The following BEND7 variants were observed in gnomAD, a reference collection of about 807,000 sequenced individuals.
BEND7 encodes BEN domain-containing protein 7.
In BEND7, 28 loss-of-function variants were observed where a neutral mutation model predicts 50.9. The ratio of observed to expected loss-of-function variants is 0.55; its 90% confidence interval spans 0.41 to 0.75. BEND7 has a LOEUF of 0.75. BEND7 is among the 30% of genes least tolerant of loss of function. The pLI is 0.00. For synonymous variants in BEND7, 170 were observed against 183.9 expected (o/e 0.92, Z 0.61); for missense variants, 477 against 491.3 (o/e 0.97, Z 0.28).
At chr10:13,500,485 C>T (rs887260560) in intron 2 of BEND7, 2 of 998,276 alleles carry the variant, frequency 2.0e-6, no homozygotes, top group African/African-American at 3.5e-5. Flanking sequence ...GAGGAATGGG[C>T]AGGTCACTAA....
At position 13,441,688 on chromosome 10, in the gene BEND7, G is replaced by A. The variant is rs76490942; in HGVS notation, c.*55C>T. The stretch of plus-strand genomic sequence containing the variant: ...TAGCTCCTTGTGGGAGGCAGAGGAC[G>A]GATTTTAAAACCCATGGTGCAAAAA... On this transcript the variant is annotated 3_prime_UTR_variant, in exon 9 of 9. Transcript: ENST00000466271. The A allele has an allele frequency of 2.1e-3, 3,309 of 1,611,732 alleles. 73 individuals carry two copies. The South Asian group carries it at 0.028, about 14-fold the overall frequency.
chr10:13,489,746 T>G lies in BEND7; in HGVS notation c.837+2865A>C, dbSNP rs537658069. On this transcript the variant is annotated intron_variant, in intron 5 of 8. Transcript: ENST00000466271. ...ATCACAGTAGAGCCTTGAAGGGGAG[T>G]AGGTGGGTACAGAGAGGAGGAACAG... Among the ~76,000 whole-genome samples, 5 of 151,522 alleles carry G rather than the reference T, an allele frequency of 3.3e-5. No homozygotes were observed. In the East Asian group the frequency reaches 9.7e-4, roughly 29 times the overall value.
intron 6 of BEND7, among the ~76,000 whole-genome samples, chr10:13,468,569 G>A (rs2074487645): frequency 6.6e-6 from 1 of 152,194 alleles, no homozygotes; most frequent in Admixed American, 6.5e-5. Context: ...TGGTTTTCTG[G>A]GTGTTACTAG....
In BEND7 at chr10:13,480,879, A is replaced by G. The variant is rs537012659; in HGVS notation, c.1063+20T>C. ...GAAAGCTCAACGAAGAACCCACAAA[A>G]TGAAATGATGCAGACCAACCTTTTA... On this transcript the variant is annotated intron_variant, in intron 6 of 8. Coordinates refer to ENST00000466271, the MANE Select transcript of BEND7 (RefSeq NM_001369863.1). 5 of 1,612,770 alleles carry G rather than the reference A, an allele frequency of 3.1e-6. No individual in the cohort carries two copies. The South Asian group carries it at 4.4e-5, about 14-fold the overall frequency.
chr10:13,445,638 C>T (rs919970063), intron 8 of BEND7: 4 of 152,168 alleles, frequency 2.6e-5, no homozygotes, highest in African/African-American at 9.7e-5. Flanking sequence ...TCTCAGATTC[C>T]TTGACATTTT....
intron 2 of BEND7, among the ~76,000 whole-genome samples, chr10:13,505,927 A>G (rs1254872515): frequency 6.6e-6 from 1 of 152,230 alleles, no homozygotes; most frequent in Non-Finnish European, 1.5e-5. Context: ...GAAGTCCAGA[A>G]CGCAACACTA....
intron 6 of BEND7, among the ~76,000 whole-genome samples, chr10:13,467,342 T>C (rs981270109): frequency 1.3e-5 from 2 of 152,174 alleles, no homozygotes; most frequent in African/African-American, 4.8e-5. Context: ...AAACGGCACA[T>C]TTAGCCTAAC....
intron 4 of BEND7, among the ~76,000 whole-genome samples, chr10:13,494,593 C>T (rs1183711750): frequency 2.0e-5 from 3 of 152,218 alleles, no homozygotes; most frequent in South Asian, 2.1e-4. Flanking sequence ...CTGCATTCCC[C>T]CTCAAGGCTG....
At chr10:13,469,939 T>TA (rs1368890079) in intron 6 of BEND7, among the ~76,000 whole-genome samples, 1 of 152,204 alleles carries the variant, frequency 6.6e-6, no homozygotes, top group Admixed American at 6.5e-5. Context: ...TTGCAGGAGA[T>TA]AGTCAATACG....
At chr10:13,487,378 CT>C (rs770356764) in intron 5 of BEND7, among the ~76,000 whole-genome samples, 3 of 73,696 alleles carry the variant, frequency 4.1e-5, no homozygotes, top group Non-Finnish European at 7.8e-5. Flanking sequence ...AATTTCTTTT[CT>C]TTTCTTTTCT....
intron 2 of BEND7, among the ~76,000 whole-genome samples, chr10:13,510,801 GACAC>G (rs891126058): frequency 6.6e-6 from 1 of 151,816 alleles, no homozygotes; most frequent in Non-Finnish European, 1.5e-5. Context: ...CTTTTTCTGT[GACAC>G]ACACACACAT....
intron 8 of BEND7, chr10:13,443,257 A>T (rs1460463767): frequency 2.6e-5 from 4 of 152,702 alleles, no homozygotes; most frequent in Non-Finnish European, 5.9e-5. Context: ...CACACTTTGC[A>T]GGAACCTGAA....
At chr10:13,465,319 A>G (rs1207668373) in intron 6 of BEND7, among the ~76,000 whole-genome samples, 1 of 152,242 alleles carries the variant, frequency 6.6e-6, no homozygotes, top group African/African-American at 2.4e-5. Flanking sequence ...ATGCCTTTAA[A>G]TTAAGGAAAT....
chr10:13,526,405 G>A (rs1392141601), intron 1 of BEND7, among the ~76,000 whole-genome samples, 184 bp from the exon 2 acceptor site: 2 of 152,164 alleles, frequency 1.3e-5, no homozygotes, highest in African/African-American at 2.4e-5. Flanking sequence ...GCTTATTCTG[G>A]AGTACGCAAA....
rs563500135 is a variant in BEND7 at position 13,452,074 on chromosome 10, C to T, written c.1183+465G>A. Among the ~76,000 whole-genome samples the T allele has an allele frequency of 7.9e-5, 12 of 152,256 alleles. No individual in the cohort carries two copies. The South Asian group carries it at 8.3e-4, about 11-fold the overall frequency. ...CCCACACACACAACCCGTGCATGGA[C>T]GTGTGAGCACACACACCCATCCCCC... is the stretch of plus-strand genomic sequence containing the variant. On this transcript the variant is annotated intron_variant, in intron 7 of 8. Transcript: ENST00000466271.
At chr10:13,491,029 C>G (rs1270979140) in intron 5 of BEND7, among the ~76,000 whole-genome samples, 1 of 152,166 alleles carries the variant, frequency 6.6e-6, no homozygotes, top group Non-Finnish European at 1.5e-5. Context: ...GTCTCGAACT[C>G]TTGACCTCAG....
At chr10:13,485,575 GA>G (rs1482250028) in intron 5 of BEND7, among the ~76,000 whole-genome samples, 1 of 152,200 alleles carries the variant, frequency 6.6e-6, no homozygotes, top group Admixed American at 6.5e-5. Flanking sequence ...ATTTGGGGCT[GA>G]AAAGCCTATA....
downstream of BEND7, chr10:13,439,630 T>C (rs1835089400): frequency 1.2e-6 from 1 of 831,270 alleles, no homozygotes; most frequent in Non-Finnish European, 1.8e-6. Context: ...GCCAGAAACT[T>C]GGTGTCAGCT....
At chr10:13,465,437 C>T (rs1045416063) in intron 6 of BEND7, among the ~76,000 whole-genome samples, 3 of 152,162 alleles carry the variant, frequency 2.0e-5, no homozygotes, top group African/African-American at 7.2e-5. Flanking sequence ...TCGTACAAGA[C>T]ACAAAAGTCA....
Sources: gnomAD v4.1 joint callset for allele counts (sites outside exome capture counted in the v4.1 genomes callset) on GRCh38, gnomAD v4.1.1 for gene constraint, MANE v1.5 for transcripts, NCBI Gene and HGNC (gene_info 2026-07-23, HGNC 2026-07-21) for gene names.